LIMA1: variants seen among roughly 807,000 people sequenced by gnomAD.
LIMA1 encodes the protein LIM domain and actin binding 1.
LIMA1 carries 52 observed loss-of-function variants against 62.6 expected under a neutral mutation model. That is an observed-to-expected ratio of 0.83 (90% CI 0.67 to 1.05). LIMA1 has a LOEUF of 1.05. Ranked by LOEUF, LIMA1 falls within the 50% of genes least tolerant of loss-of-function variation. The probability of loss-of-function intolerance (pLI) is 0.00; values close to 1 mark genes in which losing one functional copy is unlikely to be tolerated. For missense variants in LIMA1, 780 were observed against 902.2 expected (o/e 0.86, Z 1.74); for synonymous variants, 302 against 317.8 (o/e 0.95, Z 0.53).
intron 2 of LIMA1, among the ~76,000 whole-genome samples, chr12:50,238,091 T>C (rs1395852843): frequency 6.6e-6 from 1 of 152,224 alleles, no homozygotes; most frequent in Admixed American, 6.5e-5. Flanking sequence ...TTTCATCTTA[T>C]TTTAATTTTT....
At position 50,195,830 on chromosome 12, in the gene LIMA1, G is replaced by A. The variant is rs376669656; in HGVS notation, c.1030C>T (p.Arg344Cys). The A allele has an allele frequency of 2.8e-5, 44 of 1,599,106 alleles. No individual in the cohort carries two copies. The highest frequency in any genetic ancestry group is 5.4e-5 in the African/African-American group (4 of 73,458). The change falls in exon 8 of 11, where the codon CGT (arginine) becomes TGT (cysteine). Residue 344 changes from arginine to cysteine, a missense_variant and splice_region_variant. By Grantham distance (180) the Arg-to-Cys change is radical (BLOSUM62 -3). Coordinates refer to ENST00000341247, the MANE Select transcript of LIMA1 (RefSeq NM_016357.5). ...VRSTPAEDDS[R>C]DSQVKSEVQQ... is the part of the protein sequence containing the mutation. ...TCCAGATCTAAGAAAGAATGCTTAC[G>A]GGAGTCATCTTCGGCAGGGGTGGAA...
intron 5 of LIMA1, among the ~76,000 whole-genome samples, chr12:50,205,146 T>C (rs1941127627): frequency 2.6e-5 from 4 of 152,086 alleles, no homozygotes; most frequent in African/African-American, 9.7e-5. Context: ...GGTACAATCA[T>C]AGCTCACTGC....
intron 2 of LIMA1, among the ~76,000 whole-genome samples, chr12:50,237,943 A>C: frequency 6.6e-6 from 1 of 152,260 alleles, no homozygotes; most frequent in South Asian, 2.1e-4. Flanking sequence ...AATGGATCAA[A>C]GACCTAACTA....
chr12:50,282,810 C>G (rs1026369892), intron 1 of LIMA1, among the ~76,000 whole-genome samples: 71 of 152,190 alleles, frequency 4.7e-4, no homozygotes, highest in Admixed American at 4.6e-3. Context: ...GCTACAACTT[C>G]AAGCTTTAGT....
intron 6 of LIMA1, chr12:50,201,089 A>G (rs1941040166): frequency 1.5e-6 from 2 of 1,358,320 alleles, no homozygotes; most frequent in Non-Finnish European, 1.9e-6. Flanking sequence ...TCAGAGTTAA[A>G]TATCTGTATG....
intron 2 of LIMA1, among the ~76,000 whole-genome samples, chr12:50,248,319 C>T (rs551805767): frequency 7.6e-4 from 115 of 152,282 alleles, no homozygotes; most frequent in African/African-American, 2.7e-3. Context: ...TTATTCTGTA[C>T]CTAATCCTCA....
chr12:50,195,046 A>T (rs540296422), intron 8 of LIMA1, among the ~76,000 whole-genome samples: 2 of 151,648 alleles, frequency 1.3e-5, no homozygotes, highest in Non-Finnish European at 2.9e-5. Flanking sequence ...AGACTCCCTC[A>T]AAGAAAATTA....
chr12:50,204,747 T>C, intron 5 of LIMA1, 47 bp from the exon 6 acceptor site: 5 of 1,579,108 alleles, frequency 3.2e-6, no homozygotes, highest in Non-Finnish European at 4.3e-6. Flanking sequence ...TGAGATGGGG[T>C]CTCACTCTAT....
Position 50,266,690 on chromosome 12 carries a change from T to C in LIMA1, c.-24+16730A>G, listed in dbSNP as rs540349495. ...AAGGCCTATGCATTAAATTTTTAAA[T>C]AGATATTCTGAGATTTCCCTCAAAA... is the stretch of plus-strand genomic sequence containing the variant. On this transcript the variant is annotated intron_variant, in intron 1 of 10. Coordinates refer to ENST00000341247, the MANE Select transcript of LIMA1 (RefSeq NM_016357.5). Among the ~76,000 whole-genome samples the C allele has an allele frequency of 5.3e-5, 8 of 152,338 alleles. No homozygotes were observed. In the East Asian group the frequency reaches 5.8e-4, roughly 11 times the overall value.
intron 5 of LIMA1, among the ~76,000 whole-genome samples, chr12:50,205,512 TC>T (rs773644052): frequency 2.0e-5 from 3 of 152,150 alleles, no homozygotes; most frequent in Non-Finnish European, 4.4e-5. Context: ...CCTGTATATG[TC>T]CCCTTTAAAA....
rs191768270 is a variant in LIMA1, at chr12:50,261,689, C to T, written c.-23-12915G>A. Among the ~76,000 whole-genome samples, 285 of 152,122 alleles carry T rather than the reference C, an allele frequency of 1.9e-3. 3 individuals are homozygous for T. Among genetic ancestry groups the T allele is most frequent in the Middle Eastern group, 6.8e-3 (2 of 294 alleles). ...TCAGATGGTAATTTTTTTTCTGAGA[C>T]AAGGTCTCACTCTTATCTCCCAGGC... On this transcript the variant is annotated intron_variant, in intron 1 of 10. Transcript: ENST00000341247.
At chr12:50,205,402 A>C (rs1941133085) in intron 5 of LIMA1, among the ~76,000 whole-genome samples, 1 of 152,150 alleles carries the variant, frequency 6.6e-6, no homozygotes, top group Admixed American at 6.6e-5. Context: ...CTAATTTAAC[A>C]TGAAAAAGAA....
intron 8 of LIMA1, 92 bp from the exon 9 acceptor site, chr12:50,192,653 T>C (rs762259083): frequency 4.9e-6 from 4 of 824,618 alleles, no homozygotes; most frequent in Non-Finnish European, 6.3e-6. Flanking sequence ...GGCACTTTCA[T>C]TAATGACAGA....
intron 2 of LIMA1, among the ~76,000 whole-genome samples, chr12:50,234,828 A>G (rs1253749373): frequency 6.6e-6 from 1 of 152,120 alleles, no homozygotes; most frequent in Non-Finnish European, 1.5e-5. Flanking sequence ...AGACTGCGCA[A>G]CACAGTAAAA....
chr12:50,201,114 G>T (rs1324541201), intron 6 of LIMA1: 2 of 1,290,188 alleles, frequency 1.6e-6, no homozygotes, highest in Non-Finnish European at 2.0e-6. Context: ...TGTAAAACTG[G>T]ATTGCTCATT....
At chr12:50,271,967 A>C (rs1032962854) in intron 1 of LIMA1, among the ~76,000 whole-genome samples, 3 of 152,186 alleles carry the variant, frequency 2.0e-5, no homozygotes, top group African/African-American at 4.8e-5. Context: ...CTTCTTTACA[A>C]TCTCAAAGCA....
chr12:50,273,565 A>T (rs1006195939), intron 1 of LIMA1, among the ~76,000 whole-genome samples: 40 of 152,224 alleles, frequency 2.6e-4, no homozygotes, highest in African/African-American at 7.5e-4. Context: ...TTAAGAAAAA[A>T]AATGGAATTA....
chr12:50,181,772 CT>C, intron 10 of LIMA1, 131 bp downstream of exon 10: 3 of 938,718 alleles, frequency 3.2e-6, no homozygotes, highest in Non-Finnish European at 3.2e-6. Flanking sequence ...CTAAATGATG[CT>C]TTTTACTTTA....
chr12:50,245,793 T>G (rs1339068748), intron 2 of LIMA1, among the ~76,000 whole-genome samples: 1 of 151,402 alleles, frequency 6.6e-6, no homozygotes, highest in African/African-American at 2.4e-5. Context: ...AGGATAACAG[T>G]GCATTATAGT....
Sources: allele counts gnomAD v4.1 joint callset (sites outside exome capture counted in the v4.1 genomes callset), GRCh38; gene constraint gnomAD v4.1.1; transcripts MANE v1.5; gene names NCBI Gene and HGNC (gene_info 2026-07-23, HGNC 2026-07-21).